Variants in COQ10B observed in about 807,000 individuals in gnomAD.
The protein encoded by COQ10B is coenzyme Q10B.
COQ10B carries 12 observed loss-of-function variants against 27.6 expected under a neutral mutation model. The ratio of observed to expected loss-of-function variants is 0.43; its 90% CI spans 0.28 to 0.70. The LOEUF is 0.70. Among genes scored for constraint, COQ10B ranks in the 30% least tolerant of loss-of-function variants. The pLI is 0.17. For missense variants in COQ10B, 278 were observed against 288.7 expected (o/e 0.96, Z 0.27); for synonymous variants, 115 against 103.0 (o/e 1.12, Z -0.71).
intron 1 of COQ10B, among the ~76,000 whole-genome samples, chr2:197,455,603 T>C (rs1045353514): frequency 6.6e-5 from 10 of 152,104 alleles, no homozygotes; most frequent in African/African-American, 9.7e-5. Flanking sequence ...AGGTTGAGGC[T>C]GCAGTGAGCC....
chr2:197,460,097 G>T lies in COQ10B; in HGVS notation c.254+16G>T, dbSNP rs777372542. The T allele has an allele frequency of 6.4e-7, 1 of 1,568,208 alleles. No individual in the cohort carries two copies. Among genetic ancestry groups the T allele is most frequent in the Admixed American group, 1.8e-5 (1 of 56,766 alleles). On this transcript the variant is annotated intron_variant, in intron 2 of 4. Transcript: ENST00000263960. ...GAATTTTAGGGTTCGTATATGATAA[G>T]AATTCTACTAAAAGAGCATGTTCAC... is the stretch of plus-strand genomic sequence containing the variant.
At chr2:197,454,028 G>A (rs539106216) in intron 1 of COQ10B, 1 of 1,551,278 alleles carries the variant, frequency 6.4e-7, no homozygotes, top group East Asian at 2.4e-5. Flanking sequence ...GCTGCTGGCT[G>A]TATGGGAGTT....
chr2:197,461,590 T>A (rs149441361), intron 2 of COQ10B, among the ~76,000 whole-genome samples: 19 of 119,830 alleles, frequency 1.6e-4, no homozygotes, highest in African/African-American at 6.0e-4. Flanking sequence ...TGTGTGTGTG[T>A]GTGTGAGGGA....
intron 4 of COQ10B, among the ~76,000 whole-genome samples, chr2:197,473,449 T>C (rs201346497): frequency 0.015 from 1,340 of 92,414 alleles, 108 homozygotes; most frequent in South Asian, 0.069. Flanking sequence ...TATACACATA[T>C]ATACATATAT....
chr2:197,473,461 T>C (rs2085905015), intron 4 of COQ10B, among the ~76,000 whole-genome samples: 1 of 136,580 alleles, frequency 7.3e-6, no homozygotes, highest in African/African-American at 2.7e-5. Flanking sequence ...TACATATATA[T>C]ATATGTATAT....
In COQ10B at chr2:197,470,106, G is replaced by A; in HGVS notation, c.484G>A (p.Glu162Lys). The change falls in exon 4 of 5, where the codon GAG becomes AAG. Residue 162 changes from glutamate to lysine, a missense_variant. This residue lies in a region of COQ10B where 83 missense variants were observed against 104.5 expected (regional missense o/e 0.79). Transcript: ENST00000263960. ...CTDGRLFNHL[E>K]TIWRFSPGLP... ...TGATGGGAGACTTTTCAATCATTTG[G>A]AGACTATTTGGCGTTTTAGCCCAGG... The A allele has an allele frequency of 5.6e-6, 9 of 1,613,358 alleles. No homozygotes were observed. Among genetic ancestry groups the A allele is most frequent in the Non-Finnish European group, 7.6e-6 (9 of 1,179,566 alleles).
chr2:197,473,695 CAAAA>C (rs78531672), intron 4 of COQ10B, 58 bp from the exon 5 acceptor site: 176 of 946,694 alleles, frequency 1.9e-4, no homozygotes, highest in Middle Eastern at 3.8e-4. Context: ...CCAGGAAAAC[CAAAA>C]AAAAAAAAAA....
intron 3 of COQ10B, among the ~76,000 whole-genome samples, chr2:197,468,391 C>A (rs917220987): frequency 7.1e-6 from 1 of 140,014 alleles, no homozygotes; most frequent in African/African-American, 2.7e-5. Context: ...TGCAGTGAGT[C>A]GAGATCGCGC....
chr2:197,473,454 A>ACG (rs2085904712), intron 4 of COQ10B, among the ~76,000 whole-genome samples: 3 of 42,988 alleles, frequency 7.0e-5, no homozygotes. Flanking sequence ...ACATATATAC[A>ACG]TATATATATA....
Position 197,465,018 on chromosome 2 carries a change from G to A in COQ10B, c.447+2287G>A, listed in dbSNP as rs575526436. Among the ~76,000 whole-genome samples the A allele has an allele frequency of 7.4e-5, 11 of 148,842 alleles. 1 individual carries two copies. The highest frequency in any genetic ancestry group is 3.6e-3 in the Middle Eastern group (1 of 278). On this transcript the variant is annotated intron_variant, in intron 3 of 4. Transcript: ENST00000263960. ...CTCCTGCCTCAGCCTCCCGAGTAGCGGGGGCTACAGGCTCCCACCGCCAAG... is the reference window on the plus strand; with the variant it reads ...CTCCTGCCTCAGCCTCCCGAGTAGCAGGGGCTACAGGCTCCCACCGCCAAG...
chr2:197,455,138 G>A (rs1164120675), intron 1 of COQ10B, among the ~76,000 whole-genome samples: 2 of 150,024 alleles, frequency 1.3e-5, no homozygotes, highest in African/African-American at 5.0e-5. Flanking sequence ...GGGTAGGCTG[G>A]GAGGCAATAC....
intron 3 of COQ10B, among the ~76,000 whole-genome samples, chr2:197,464,875 C>CTT (rs200668143): frequency 1.6e-4 from 22 of 138,544 alleles, no homozygotes; most frequent in Middle Eastern, 3.7e-3. Context: ...GAACTTAAAT[C>CTT]TTTTTTTTTT....
At chr2:197,473,500 A>G (rs555860907) in intron 4 of COQ10B, among the ~76,000 whole-genome samples, 28 of 143,124 alleles carry the variant, frequency 2.0e-4, no homozygotes, top group East Asian at 1.2e-3. Flanking sequence ...ATATACGTAT[A>G]TATATACGTA....
chr2:197,469,536 G>A (rs534286556), intron 3 of COQ10B, among the ~76,000 whole-genome samples: 25 of 152,304 alleles, frequency 1.6e-4, no homozygotes, highest in Middle Eastern at 3.4e-3. Context: ...ACACAGTTAG[G>A]AAAACTAGAT....
chr2:197,462,457 T>A (rs923387211), intron 2 of COQ10B, 82 bp from the exon 3 acceptor site: 8 of 719,952 alleles, frequency 1.1e-5, no homozygotes, highest in Non-Finnish European at 9.1e-6. Flanking sequence ...ACAGTAAGTT[T>A]TATACATATT....
At chr2:197,473,394 C>T (rs1215819715) in intron 4 of COQ10B, among the ~76,000 whole-genome samples, 5 of 121,686 alleles carry the variant, frequency 4.1e-5, no homozygotes, top group African/African-American at 1.7e-4. Context: ...TCTCTACGCC[C>T]CCCCCCACAA....
At chr2:197,461,627 C>T (rs1574580768) in intron 2 of COQ10B, among the ~76,000 whole-genome samples, 1 of 129,422 alleles carries the variant, frequency 7.7e-6, no homozygotes, top group African/African-American at 2.9e-5. Flanking sequence ...TACAGGGTCT[C>T]AGAGAGAGAG....
Position 197,474,875 on chromosome 2 carries a change from T to C in COQ10B, c.*951T>C, listed in dbSNP as rs912897062. 1 of 152,008 alleles carries C rather than the reference T, an allele frequency of 6.6e-6. No homozygotes were observed. Among genetic ancestry groups the C allele is most frequent in the Non-Finnish European group, 1.5e-5 (1 of 67,980 alleles). The allele number at this position is 152,008 out of a possible 1,614,324, so 9.4% of individuals were successfully genotyped here. On this transcript the variant is annotated 3_prime_UTR_variant, in exon 5 of 5. Coordinates refer to ENST00000263960, the MANE Select transcript of COQ10B (RefSeq NM_025147.5). Reference sequence around the variant, plus strand: ...GCTTTAAGCTACTTTTCCAGTAGTTTGCCACTTTCTCCGAGGTAGTTTGGC... The same window carrying C: ...GCTTTAAGCTACTTTTCCAGTAGTTCGCCACTTTCTCCGAGGTAGTTTGGC...
chr2:197,459,953 A>G lies in COQ10B; in HGVS notation c.126A>G (p.Ile42Met). ...TCAGATATTTAGCTTCCTGTGGTAT[A>G]CTGATGAGCAGAACTCTTCCACTAC... is the stretch of plus-strand genomic sequence containing the variant. ...RNGRYLASCG[I>M]LMSRTLPLHT... The change falls in exon 2 of 5, where the codon ATA (isoleucine) becomes ATG (methionine). Residue 42 changes from isoleucine to methionine, a missense_variant. Physicochemically the swap from Ile to Met is conservative, Grantham distance 10 (BLOSUM62 1). This residue lies in a region of COQ10B where 183 missense variants were observed against 158.2 expected (regional missense o/e 1.16). Coordinates refer to ENST00000263960, the MANE Select transcript of COQ10B (RefSeq NM_025147.5). The G allele has an allele frequency of 6.2e-7, 1 of 1,608,108 alleles. No homozygotes were observed. Among genetic ancestry groups the G allele is most frequent in the Non-Finnish European group, 8.5e-7 (1 of 1,177,630 alleles).
Sources: gnomAD v4.1 joint callset for allele counts (sites outside exome capture counted in the v4.1 genomes callset) on GRCh38, gnomAD v4.1.1 for gene constraint, gnomAD v4.1.1 regional missense constraint, MANE v1.5 for transcripts, NCBI Gene and HGNC (gene_info 2026-07-23, HGNC 2026-07-21) for gene names.